The following WDPCP variants were observed in gnomAD, a reference collection of about 807,000 sequenced individuals.
The protein encoded by WDPCP is WD repeat containing planar cell polarity effector, also known as WD repeat-containing and planar cell polarity effector protein fritz homolog.
WDPCP carries 71 observed loss-of-function variants against 93.1 expected under a neutral mutation model. The ratio of observed to expected loss-of-function variants is 0.76; its 90% CI spans 0.63 to 0.93. The LOEUF is 0.93. Among genes scored for constraint, WDPCP ranks in the 40% least tolerant of loss-of-function variants. The pLI, the probability that WDPCP is intolerant of heterozygous loss-of-function variation, is 0.00. For synonymous variants in WDPCP, 315 were observed against 315.0 expected (o/e 1.00, Z 0.00); for missense variants, 844 against 887.4 (o/e 0.95, Z 0.62).
chr2:63,628,848 T>C (rs757302809), intron 3 of WDPCP, among the ~76,000 whole-genome samples: 12 of 152,174 alleles, frequency 7.9e-5, no homozygotes, highest in Admixed American at 3.3e-4. Flanking sequence ...AGAACCCAGA[T>C]CCAGGACCAC....
intron 3 of WDPCP, among the ~76,000 whole-genome samples, chr2:63,624,144 A>T (rs1709780426): frequency 6.6e-6 from 1 of 152,228 alleles, no homozygotes; most frequent in Non-Finnish European, 1.5e-5. Flanking sequence ...AATGAGAACA[A>T]AGACACAACG....
At chr2:63,725,786 C>A (rs1408344777) in intron 2 of WDPCP, among the ~76,000 whole-genome samples, 1 of 152,066 alleles carries the variant, frequency 6.6e-6, no homozygotes, top group Non-Finnish European at 1.5e-5. Context: ...ATTTAAATTT[C>A]TCTGATGATT....
chr2:63,422,943 A>C (rs1436038094), intron 9 of WDPCP, among the ~76,000 whole-genome samples: 2 of 152,248 alleles, frequency 1.3e-5, no homozygotes, highest in South Asian at 2.1e-4. Context: ...AAAATGTCTT[A>C]AGTGGCTAAT....
At chr2:63,697,032 G>A (rs947564953) in intron 2 of WDPCP, among the ~76,000 whole-genome samples, 4 of 152,198 alleles carry the variant, frequency 2.6e-5, no homozygotes, top group African/African-American at 7.2e-5. Flanking sequence ...ATTCAAGAAT[G>A]GGACTTTGAC....
At chr2:63,281,976 T>TA (rs148963515) in intron 13 of WDPCP, among the ~76,000 whole-genome samples, 3,132 of 147,672 alleles carry the variant, frequency 0.021, 51 homozygotes, top group East Asian at 0.044. Flanking sequence ...CCTATTGAAA[T>TA]AAAAAAAAAA....
At chr2:63,573,856 G>A (rs571996081) in intron 1 of WDPCP, among the ~76,000 whole-genome samples, 2 of 152,154 alleles carry the variant, frequency 1.3e-5, no homozygotes, top group South Asian at 2.1e-4. Flanking sequence ...CCTGAGGGTA[G>A]GCCTCTAAAA....
rs2104859059 is a variant in WDPCP, at chr2:63,378,484, G to A, written c.1650C>T (p.Thr550=). 1 of 1,613,168 alleles carries A rather than the reference G, an allele frequency of 6.2e-7. No individual in the cohort carries two copies. ...REAQLETSLG[T]FYAPTRPLLD... is the part of the protein sequence containing the mutation. ...GAAGTGGTCTTGTTGGAGCATAGAAGGTTCCAAGGCTTGTCTCAAGCTGTG... is the reference window on the plus strand; with the variant it reads ...GAAGTGGTCTTGTTGGAGCATAGAAAGTTCCAAGGCTTGTCTCAAGCTGTG... The change falls in exon 12 of 18, where the codon ACC becomes ACT. Residue 550 remains threonine (T), a synonymous_variant. Transcript: ENST00000272321.
chr2:63,304,686 C>T (rs1235250627), intron 13 of WDPCP, among the ~76,000 whole-genome samples: 2 of 152,156 alleles, frequency 1.3e-5, no homozygotes, highest in South Asian at 4.1e-4. Context: ...TGGGAAGACA[C>T]CGAGCTAGCT....
intron 1 of WDPCP, among the ~76,000 whole-genome samples, chr2:63,507,842 A>G (rs757135416): frequency 1.3e-5 from 2 of 152,174 alleles, no homozygotes; most frequent in Admixed American, 6.5e-5. Context: ...TCAGAGATTG[A>G]AGATCAACTT....
In WDPCP at chr2:63,754,873, T is replaced by C. The variant is rs546919887; in HGVS notation, n.308+58749A>G. Among the ~76,000 whole-genome samples, 107 of 152,346 alleles carry C rather than the reference T, an allele frequency of 7.0e-4. 1 individual carries two copies. The highest frequency in any genetic ancestry group is 2.5e-3 in the African/African-American group (103 of 41,590). The stretch of plus-strand genomic sequence containing the variant: ...CTCATTGTTATTTTGGGTCAGAAAT[T>C]TGGACCCAATTTCTTAGCTGAATGG... On this transcript the variant is annotated intron_variant and non_coding_transcript_variant, in intron 2 of 4. Coordinates refer to the WDPCP transcript ENST00000467687.
rs1460712615 is a variant in WDPCP, at chr2:63,121,102, T to C, written c.*904A>G. 2.6e-5 allele frequency among the ~76,000 whole-genome samples: 4 copies of C among 152,072 alleles called. No individual in the cohort carries two copies. Among genetic ancestry groups the C allele is most frequent in the Admixed American group, 2.6e-4 (4 of 15,260 alleles). ...GGCTAGATGACACCTGCACACTCAA[T>C]GGGCAGTGTAAAGGAGAGGCATTCT... is the stretch of plus-strand genomic sequence containing the variant. On this transcript the variant is annotated 3_prime_UTR_variant, in exon 18 of 18. Coordinates refer to ENST00000272321, the MANE Select transcript of WDPCP (RefSeq NM_015910.7).
intron 14 of WDPCP, chr2:63,228,360 T>C (rs1261735420): frequency 6.6e-6 from 1 of 151,132 alleles, no homozygotes; most frequent in Non-Finnish European, 1.5e-5. Context: ...TCTTTTATTT[T>C]TGTTTTATTT....
At chr2:63,408,580 G>A (rs980287721) in intron 9 of WDPCP, among the ~76,000 whole-genome samples, 16 of 152,014 alleles carry the variant, frequency 1.1e-4, no homozygotes, top group Non-Finnish European at 1.8e-4. Context: ...CAAGACATCC[G>A]GGATGCACAC....
chr2:63,376,443 T>A (rs780982660), intron 12 of WDPCP, among the ~76,000 whole-genome samples: 16 of 151,894 alleles, frequency 1.1e-4, no homozygotes, highest in African/African-American at 3.9e-4. Context: ...ATTAGTAGAA[T>A]AGAGCATCCT....
chr2:63,718,683 T>C (rs1388913676), intron 2 of WDPCP, among the ~76,000 whole-genome samples: 2 of 152,214 alleles, frequency 1.3e-5, no homozygotes, highest in East Asian at 3.8e-4. Flanking sequence ...GCAAATATTT[T>C]CTCCCATTCT....
chr2:63,825,083 C>T (rs535641826), intron 1 of WDPCP, among the ~76,000 whole-genome samples: 9 of 152,166 alleles, frequency 5.9e-5, no homozygotes, highest in Non-Finnish European at 1.3e-4. Context: ...TTTAAAATTA[C>T]AAAAGAAAGG....
chr2:63,456,791 C>G (rs577097120), intron 6 of WDPCP, among the ~76,000 whole-genome samples: 1 of 151,922 alleles, frequency 6.6e-6, no homozygotes. Flanking sequence ...CTGAGGCAGG[C>G]GAATCACTTG....
chr2:63,138,430 G>A (rs183868273), intron 17 of WDPCP, among the ~76,000 whole-genome samples: 3 of 151,166 alleles, frequency 2.0e-5, no homozygotes, highest in Admixed American at 6.6e-5. Flanking sequence ...GGGTACAGGT[G>A]GTATTTGGTT....
chr2:63,598,631 T>G (rs1709362035), intron 3 of WDPCP, among the ~76,000 whole-genome samples: 1 of 152,210 alleles, frequency 6.6e-6, no homozygotes, highest in Admixed American at 6.5e-5. Flanking sequence ...CATTTTTTGC[T>G]TTCTGTGCAC....
Sources: allele counts gnomAD v4.1 joint callset (sites outside exome capture counted in the v4.1 genomes callset), GRCh38; gene constraint gnomAD v4.1.1; transcripts MANE v1.5; gene names NCBI Gene and HGNC (gene_info 2026-07-23, HGNC 2026-07-21).